The following PDLIM5 variants were observed in gnomAD, a reference collection of about 807,000 sequenced individuals.
The protein encoded by PDLIM5 is PDZ and LIM domain 5.
Under a neutral mutation model 64.2 loss-of-function variants are expected in PDLIM5, and 34 were observed. The observed-to-expected ratio is 0.53, with a 90% CI of 0.40 to 0.71. The LOEUF (loss-of-function observed/expected upper bound fraction) is 0.71, where lower values mean the gene tolerates loss of function less well. Among genes scored for constraint, PDLIM5 ranks in the 30% least tolerant of loss-of-function variants. PDLIM5 has a pLI of 0.00. For missense variants in PDLIM5, 683 were observed against 733.6 expected (o/e 0.93, Z 0.80); for synonymous variants, 253 against 269.1 (o/e 0.94, Z 0.59).
intron 3 of PDLIM5, among the ~76,000 whole-genome samples, chr4:94,528,067 G>A (rs979349277): frequency 5.9e-5 from 9 of 152,102 alleles, no homozygotes; most frequent in Non-Finnish European, 1.0e-4. Flanking sequence ...TCCTCACATT[G>A]TCCTCTCCAG....
At chr4:94,505,423 A>T (rs1163980188) in intron 2 of PDLIM5, among the ~76,000 whole-genome samples, 2 of 152,096 alleles carry the variant, frequency 1.3e-5, no homozygotes, top group Non-Finnish European at 2.9e-5. Flanking sequence ...CATGATGCCC[A>T]GCTAATTTTT....
At chr4:94,459,564 A>G (rs547276985) in intron 2 of PDLIM5, among the ~76,000 whole-genome samples, 1 of 152,358 alleles carries the variant, frequency 6.6e-6, no homozygotes, top group Non-Finnish European at 1.5e-5. Flanking sequence ...CAGTAGTTAT[A>G]GTAATACTTC....
At chr4:94,487,723 C>T (rs569414347) in intron 2 of PDLIM5, among the ~76,000 whole-genome samples, 2 of 152,284 alleles carry the variant, frequency 1.3e-5, no homozygotes, top group African/African-American at 4.8e-5. Flanking sequence ...CTTTGTGTAG[C>T]ACAGAATCAT....
At chr4:94,491,830 G>A (rs2126120297) in intron 2 of PDLIM5, among the ~76,000 whole-genome samples, 1 of 152,032 alleles carries the variant, frequency 6.6e-6, no homozygotes, top group Middle Eastern at 3.4e-3. Flanking sequence ...TTTGATATAT[G>A]TAAACAATGT....
chr4:94,452,438 C>A (rs1227596746), intron 1 of PDLIM5, among the ~76,000 whole-genome samples: 4 of 152,168 alleles, frequency 2.6e-5, no homozygotes, highest in Non-Finnish European at 4.4e-5. Context: ...GGGTAGGAAG[C>A]GGGACTCAAA....
chr4:94,634,405 A>G (rs917525915), intron 8 of PDLIM5, among the ~76,000 whole-genome samples: 2 of 152,182 alleles, frequency 1.3e-5, no homozygotes, highest in Non-Finnish European at 2.9e-5. Flanking sequence ...ATGTTTAGCA[A>G]TACAGAAGCA....
intron 7 of PDLIM5, among the ~76,000 whole-genome samples, chr4:94,600,246 G>A (rs6816687): frequency 0.21 from 32,225 of 152,130 alleles, 3,623 homozygotes; most frequent in African/African-American, 0.26. Flanking sequence ...GTTATTGAAT[G>A]AATGAGTGAA....
chr4:94,583,888 T>C (rs1273776449), intron 5 of PDLIM5, among the ~76,000 whole-genome samples: 2 of 152,208 alleles, frequency 1.3e-5, no homozygotes, highest in Admixed American at 6.5e-5. Context: ...ATCTATCTTA[T>C]TTGTTCTTAA....
intron 5 of PDLIM5, among the ~76,000 whole-genome samples, chr4:94,580,650 C>T (rs908007154): frequency 2.6e-5 from 4 of 152,008 alleles, no homozygotes; most frequent in African/African-American, 7.2e-5. Flanking sequence ...TTAGGTATTA[C>T]TATGCATTGT....
At chr4:94,611,106 GC>G (rs2110376043) in intron 7 of PDLIM5, 1 of 1,534,020 alleles carries the variant, frequency 6.5e-7, no homozygotes, top group East Asian at 2.4e-5. Context: ...ACTCCTGGAT[GC>G]ACTTTGCATC....
chr4:94,659,602 A>T (rs576070063), intron 11 of PDLIM5, among the ~76,000 whole-genome samples: 61 of 150,548 alleles, frequency 4.1e-4, no homozygotes, highest in Admixed American at 1.0e-3. Context: ...ATCTTGGCTC[A>T]CTGCAAGCTC....
At chr4:94,522,885 C>T (rs373119080) in intron 2 of PDLIM5, among the ~76,000 whole-genome samples, 16 of 152,140 alleles carry the variant, frequency 1.1e-4, no homozygotes, top group African/African-American at 3.9e-4. Flanking sequence ...GAATGCTGAG[C>T]TGTCATATGA....
At chr4:94,526,562 C>G (rs1460583767) in intron 3 of PDLIM5, among the ~76,000 whole-genome samples, 1 of 152,052 alleles carries the variant, frequency 6.6e-6, no homozygotes, top group Non-Finnish European at 1.5e-5. Flanking sequence ...TAACAAAATT[C>G]GTAGTATAAC....
Position 94,549,154 on chromosome 4 carries a change from G to A in PDLIM5, c.249-24197G>A, listed in dbSNP as rs183641826. On this transcript the variant is annotated intron_variant, in intron 3 of 12. Coordinates refer to ENST00000317968, the MANE Select transcript of PDLIM5 (RefSeq NM_006457.5). The stretch of plus-strand genomic sequence containing the variant: ...GGTCCTAAAGTTAAGGACACTATAC[G>A]CAGAGTTAATTGACCTTCATTTGTG... Among the ~76,000 whole-genome samples the A allele has an allele frequency of 5.3e-5, 8 of 152,276 alleles. No individual in the cohort carries two copies. The East Asian group carries it at 1.4e-3, about 26-fold the overall frequency.
chr4:94,630,758 C>A (rs1740084415), intron 8 of PDLIM5, among the ~76,000 whole-genome samples: 1 of 152,122 alleles, frequency 6.6e-6, no homozygotes, highest in African/African-American at 2.4e-5. Context: ...AATAAGGAAT[C>A]AAAATGTATT....
At chr4:94,469,960 A>ATTTTTTTTTTTTTTTTT (rs34572366) in intron 2 of PDLIM5, among the ~76,000 whole-genome samples, 4 of 71,554 alleles carry the variant, frequency 5.6e-5, no homozygotes, top group African/African-American at 1.8e-4. Flanking sequence ...CATTCTTTTA[A>ATTTTTTTTTTTTTTTTT]TTTTTTTTTT....
intron 3 of PDLIM5, among the ~76,000 whole-genome samples, chr4:94,526,504 C>G (rs576096183): frequency 6.6e-6 from 1 of 152,202 alleles, no homozygotes; most frequent in East Asian, 1.9e-4. Flanking sequence ...AGTTTTTGAG[C>G]AGTTCTTGTG....
chr4:94,633,194 G>A (rs946267368), intron 8 of PDLIM5, among the ~76,000 whole-genome samples: 2 of 152,136 alleles, frequency 1.3e-5, no homozygotes, highest in African/African-American at 4.8e-5. Context: ...GGGGAGCGAG[G>A]AGTGGAATAT....
In PDLIM5 at chr4:94,665,039, A is replaced by G; in HGVS notation, c.*972A>G. The G allele has an allele frequency of 1.1e-5, 11 of 982,362 alleles. No homozygotes were observed. Among genetic ancestry groups the G allele is most frequent in the Non-Finnish European group, 1.3e-5 (11 of 827,108 alleles). The allele number at this position is 982,362 out of a possible 1,614,324, so 60.9% of individuals were successfully genotyped here. On this transcript the variant is annotated 3_prime_UTR_variant, in exon 13 of 13. Transcript: ENST00000317968. ...GCTACCATATAGCTTATAAGTCTCA[A>G]ATTTTTGCCTTTTACTAAAATGTGA... is the stretch of plus-strand genomic sequence containing the variant.
Sources: gnomAD v4.1 joint callset for allele counts (sites outside exome capture counted in the v4.1 genomes callset) on GRCh38, gnomAD v4.1.1 for gene constraint, MANE v1.5 for transcripts, NCBI Gene and HGNC (gene_info 2026-07-23, HGNC 2026-07-21) for gene names.